Variants in PODNL1 observed in about 807,000 individuals in gnomAD.
The protein encoded by PODNL1 is podocan-like protein 1.
A neutral mutation model predicts 45.1 loss-of-function variants in PODNL1; 50 were observed. The observed-to-expected ratio is 1.11, with a 90% CI of 0.88 to 1.40. PODNL1 has a LOEUF of 1.40. Ranked by LOEUF, PODNL1 falls within the 40% of genes most tolerant of loss-of-function variation. The pLI is 0.00. For synonymous variants in PODNL1, 406 were observed against 372.5 expected, an observed-to-expected ratio of 1.09 and a Z score of -1.04; for missense variants, 788 against 793.3, an observed-to-expected ratio of 0.99 and a Z score of 0.08.
chr19:13,934,517 G>C, intron 5 of PODNL1, 107 bp from the exon 6 acceptor site: 1 of 1,119,368 alleles, frequency 8.9e-7, no homozygotes, highest in Non-Finnish European at 1.2e-6. Context: ...GTGTGTGTGT[G>C]TGTGTGTGTG....
rs778387042 is a variant in PODNL1 at position 13,933,014 on chromosome 19, C to G, written c.1209G>C (p.Leu403=). 13 of 1,540,684 alleles carry G rather than the reference C, an allele frequency of 8.4e-6. No individual in the cohort carries two copies. The highest frequency in any genetic ancestry group is 1.1e-5 in the Non-Finnish European group (13 of 1,148,892). Reference sequence around the variant, plus strand: ...GATTCCCTGCCAGGTCGAGGCTGCGCAGGGCACGCAACCGGCGGAAGGCCC... The same window carrying G: ...GATTCCCTGCCAGGTCGAGGCTGCGGAGGGCACGCAACCGGCGGAAGGCCC... ...HHRAFRRLRA[L]RSLDLAGNQL... The change falls in exon 8 of 10, where the codon CTG becomes CTC. Residue 403 remains leucine (L), a synonymous_variant. Coordinates refer to ENST00000588872, the MANE Select transcript of PODNL1 (RefSeq NM_001370095.3). This position sits in a 1 kb window ranked among gnomAD's most constrained non-coding sequence, Gnocchi z 5.2.
chr19:13,935,673 A>G, intron 5 of PODNL1, 48 bp downstream of exon 5: 1 of 1,376,190 alleles, frequency 7.3e-7, no homozygotes, highest in East Asian at 2.4e-5. Flanking sequence ...CCGGGGCATG[A>G]CACAGATGTA....
Position 13,931,743 on chromosome 19 carries a change from G to A in PODNL1, c.1719C>T (p.Gly573=). 3 of 1,231,890 alleles carry A rather than the reference G, an allele frequency of 2.4e-6. No individual in the cohort carries two copies. Among genetic ancestry groups the A allele is most frequent in the African/African-American group, 1.5e-5 (1 of 64,544 alleles). The allele number at this position is 1,231,890 out of a possible 1,614,324, so 76.3% of individuals were successfully genotyped here. The part of the protein sequence containing the change: ...PTTPRGPRAG[G]P ...CTGCTGGGCCTCTCTAGGATCAGGG[G>A]CCCCCTGCCCGTGGCCCACGTGGGG... is the stretch of plus-strand genomic sequence containing the variant. Residue 573 remains glycine, a synonymous_variant, in exon 10 of 10, where the codon GGC becomes GGT. Coordinates refer to ENST00000588872, the MANE Select transcript of PODNL1 (RefSeq NM_001370095.3).
Position 13,933,065 on chromosome 19 carries a change from G to T in PODNL1, c.1158C>A (p.Arg386=). 1.3e-6 allele frequency: 2 copies of T among 1,535,338 alleles called. No homozygotes were observed. The highest frequency in any genetic ancestry group is 2.4e-5 in the South Asian group (2 of 84,010). Residue 386 remains arginine, a synonymous_variant, in exon 8 of 10, where the codon CGC becomes CGA. Coordinates refer to ENST00000588872, the MANE Select transcript of PODNL1 (RefSeq NM_001370095.3). The surrounding 1 kb of genome is among the most constrained non-coding windows in gnomAD (Gnocchi z 5.2). ...GGTGGTGCACACGGGCGCTGGCCAGGCGGTTATAGGCCAGGTTAAGCTCCG... is the reference window on the plus strand; with the variant it reads ...GGTGGTGCACACGGGCGCTGGCCAGTCGGTTATAGGCCAGGTTAAGCTCCG... ...GLTELNLAYN[R]LASARVHHRA...
At chr19:13,952,456 G>C (rs1973089744) in intron 1 of PODNL1, 1 of 1,245,410 alleles carries the variant, frequency 8.0e-7, no homozygotes, top group Non-Finnish European at 1.0e-6. Flanking sequence ...CAATGAGGAG[G>C]CGGCAGGGGT....
chr19:13,951,729 GC>G, intron 1 of PODNL1, among the ~76,000 whole-genome samples: 1 of 152,262 alleles, frequency 6.6e-6, no homozygotes, highest in Non-Finnish European at 1.5e-5. Context: ...CCGTGATCAC[GC>G]CACTGCACTC....
chr19:13,951,246 G>C (rs899864564), intron 1 of PODNL1, among the ~76,000 whole-genome samples: 1 of 150,112 alleles, frequency 6.7e-6, no homozygotes, highest in Admixed American at 6.7e-5. Context: ...AGGAGTTTTC[G>C]AGCAGCCTGG....
At chr19:13,945,556 G>A (rs1031741348) in intron 1 of PODNL1, among the ~76,000 whole-genome samples, 5 of 151,010 alleles carry the variant, frequency 3.3e-5, no homozygotes, top group African/African-American at 1.2e-4. Context: ...GCATGATCTC[G>A]GCTCACTGCA....
At chr19:13,934,469 C>T (rs1568432993) in intron 5 of PODNL1, 59 bp from the exon 6 acceptor site, 32 of 1,437,426 alleles carry the variant, frequency 2.2e-5, no homozygotes, top group South Asian at 3.0e-5. Context: ...ACCCCACTCC[C>T]GCACCACACC....
chr19:13,946,090 G>T (rs969896811), intron 1 of PODNL1, among the ~76,000 whole-genome samples: 5 of 152,026 alleles, frequency 3.3e-5, no homozygotes, highest in African/African-American at 1.2e-4. Flanking sequence ...TTCAAGGGAG[G>T]ATGAGAAACA....
chr19:13,952,534 G>C, intron 1 of PODNL1: 1 of 1,252,354 alleles, frequency 8.0e-7, no homozygotes, highest in Non-Finnish European at 1.0e-6. Context: ...CTCGAAATCG[G>C]AGCGGAACAG....
In PODNL1 at chr19:13,938,023, G is replaced by T; in HGVS notation, c.4-17C>A. The T allele has an allele frequency of 6.7e-7, 1 of 1,491,946 alleles. No individual in the cohort carries two copies. 92.4% of individuals were successfully genotyped at this position (1,491,946 alleles called of 1,614,324 possible). Reference sequence around the variant, plus strand: ...GCTCGGCCACTGCGGGGGAGGGAGGGTCAGCGTGTCTCCAGGCTGGGCGCA... The same window carrying T: ...GCTCGGCCACTGCGGGGGAGGGAGGTTCAGCGTGTCTCCAGGCTGGGCGCA... On this transcript the variant is annotated splice_polypyrimidine_tract_variant and intron_variant, in intron 1 of 9. Coordinates refer to ENST00000588872, the MANE Select transcript of PODNL1 (RefSeq NM_001370095.3).
At chr19:13,934,201 C>T (rs2145416902) in intron 6 of PODNL1, 53 bp downstream of exon 6, 1 of 1,478,220 alleles carries the variant, frequency 6.8e-7, no homozygotes, top group South Asian at 1.4e-5. Context: ...AGGGGTCCCC[C>T]TGGAAAGAGG....
chr19:13,952,141 G>A (rs1973064362), intron 1 of PODNL1, among the ~76,000 whole-genome samples: 1 of 152,262 alleles, frequency 6.6e-6, no homozygotes, highest in Non-Finnish European at 1.5e-5. Flanking sequence ...GTGGACCACA[G>A]GCTCCCGTCG....
At position 13,931,489 on chromosome 19, in the gene PODNL1, T is replaced by C. The variant is rs1971938284; in HGVS notation, c.*248A>G. ...GTGCTGAGTGCTGGAAGGGTTTGGC[T>C]TTATTGTTGCTGCCTCCATCTGTGT... On this transcript the variant is annotated 3_prime_UTR_variant, in exon 10 of 10. Coordinates refer to ENST00000588872, the MANE Select transcript of PODNL1 (RefSeq NM_001370095.3). 2.5e-6 allele frequency: 1 copy of C among 396,876 alleles called. No individual in the cohort carries two copies. The highest frequency in any genetic ancestry group is 2.1e-5 in the African/African-American group (1 of 48,568). 24.6% of individuals were successfully genotyped at this position (396,876 alleles called of 1,614,324 possible).
chr19:13,951,501 GGTGGCTTATGCCC>G (rs1423132477), intron 1 of PODNL1, among the ~76,000 whole-genome samples: 2 of 149,516 alleles, frequency 1.3e-5, no homozygotes, highest in Non-Finnish European at 3.0e-5. Flanking sequence ...GGCCGGGCGC[GGTGGCTTATGCCC>G]GTAATTCCAG....
chr19:13,937,809 T>C lies in PODNL1; in HGVS notation c.201A>G (p.Arg67=). The C allele has an allele frequency of 1.9e-6, 3 of 1,591,758 alleles. No individual in the cohort carries two copies. The African/African-American group carries it at 4.0e-5, about 21-fold the overall frequency. The change falls in exon 2 of 10, where the codon AGA becomes AGG. Residue 67 remains arginine, a synonymous_variant. Coordinates refer to ENST00000588872, the MANE Select transcript of PODNL1 (RefSeq NM_001370095.3). ...DLRVFPDNIT[R]AAQHLSLQNN... ...CCTGCAGGGAGAGGTGCTGAGCGGC[T>C]CTGGTGATGTTGTCCGGGAACACTC...
At position 13,934,290 on chromosome 19, in the gene PODNL1, G is replaced by C; in HGVS notation, c.615C>G (p.Pro205=). The C allele has an allele frequency of 6.5e-7, 1 of 1,535,932 alleles. No individual in the cohort carries two copies. The highest frequency in any genetic ancestry group is 8.7e-7 in the Non-Finnish European group (1 of 1,143,170). Residue 205 remains proline, a synonymous_variant, in exon 6 of 10, where the codon CCC becomes CCG. Coordinates refer to ENST00000588872, the MANE Select transcript of PODNL1 (RefSeq NM_001370095.3). ...LSNNQLSYLP[P]SLPPSLERLH... ...GCCGCTCGAGTGAGGGCGGCAGGCT[G>C]GGCGGCAGGTAGCTGAGCTGGTTGT...
At position 13,935,773 on chromosome 19, in the gene PODNL1, T is replaced by A. The variant is rs772411067; in HGVS notation, c.442A>T (p.Asn148Tyr). 8 of 1,598,190 alleles carry A rather than the reference T, an allele frequency of 5.0e-6. No individual in the cohort carries two copies. The highest frequency in any genetic ancestry group is 2.7e-5 in the African/African-American group (2 of 73,832). Residue 148 changes from asparagine to tyrosine, a missense_variant, in exon 5 of 10, where the codon AAC becomes TAC. By Grantham distance (143) the Asn-to-Tyr change is moderately radical. Around this residue, in one of 3 missense-constraint regions of PODNL1, gnomAD observed 762 missense variants for 750.9 expected, o/e 1.01. Transcript: ENST00000588872. ...AGGGGGAAGATCTCCATCACTTGGT[T>A]GGCAGCCAGATCCGCGACACGGAGG... is the stretch of plus-strand genomic sequence containing the variant. ...RSLRVADLAA[N>Y]QVMEIFPLTF...
Sources: allele counts gnomAD v4.1 joint callset (sites outside exome capture counted in the v4.1 genomes callset), GRCh38; gene constraint gnomAD v4.1.1; regional missense constraint gnomAD v4.1.1; non-coding constraint Gnocchi (gnomAD v3.1); transcripts MANE v1.5; gene names NCBI Gene and HGNC (gene_info 2026-07-23, HGNC 2026-07-21).